The following BTF3L4 variants were observed in gnomAD, a reference collection of about 807,000 sequenced individuals.
BTF3L4 encodes the protein basic transcription factor 3 like 4.
Under a neutral mutation model 16.8 loss-of-function variants are expected in BTF3L4, and 6 were observed. The ratio of observed to expected loss-of-function variants is 0.36; its 90% confidence interval spans 0.20 to 0.71. BTF3L4 has a LOEUF of 0.71. Ranked by LOEUF, BTF3L4 falls within the 30% of genes least tolerant of loss-of-function variation. The pLI, the probability that BTF3L4 is intolerant of heterozygous loss-of-function variation, is 0.58. For synonymous variants in BTF3L4, 39 were observed against 59.8 expected (o/e 0.65, Z 1.60); for missense variants, 92 against 186.9 (o/e 0.49, Z 2.96).
rs996416407 is a variant in BTF3L4 at position 52,075,553 on chromosome 1, TAATA to T, written c.169-7780_169-7777del. 1.6e-4 allele frequency among the ~76,000 whole-genome samples: 23 copies of T among 146,290 alleles called. 1 individual carries two copies. In the South Asian group the frequency reaches 1.7e-3, roughly 11 times the overall value. ...AAAAAAAAAAACCATATATATAAAA[TAATA>T]AATAAAATATATTTTAAAATATATA... On this transcript the variant is annotated intron_variant, in intron 3 of 5. Coordinates refer to ENST00000313334, the MANE Select transcript of BTF3L4 (RefSeq NM_152265.5).
chr1:52,062,522 C>T (rs1686542526), intron 2 of BTF3L4, among the ~76,000 whole-genome samples: 1 of 151,928 alleles, frequency 6.6e-6, no homozygotes, highest in African/African-American at 2.4e-5. Flanking sequence ...CTTTAGTGTA[C>T]GTAATGGATA....
At chr1:52,064,194 A>G (rs1170300969) in intron 2 of BTF3L4, among the ~76,000 whole-genome samples, 2 of 152,170 alleles carry the variant, frequency 1.3e-5, no homozygotes, top group East Asian at 3.8e-4. Context: ...TTCTTGCCCT[A>G]GTTATGGGTC....
intron 3 of BTF3L4, among the ~76,000 whole-genome samples, chr1:52,076,446 G>A (rs1686935739): frequency 2.0e-5 from 3 of 151,778 alleles, no homozygotes; most frequent in South Asian, 4.2e-4. Flanking sequence ...TGGTGGTGGC[G>A]CGTGACTCTA....
At chr1:52,069,665 T>C (rs1686735693) in intron 3 of BTF3L4, among the ~76,000 whole-genome samples, 4 of 152,312 alleles carry the variant, frequency 2.6e-5, no homozygotes, top group South Asian at 4.1e-4. Flanking sequence ...TGTGAAACAA[T>C]ATGATAGTAC....
In BTF3L4 at chr1:52,058,501, G is replaced by A. The variant is rs143679300; in HGVS notation, c.-13-1334G>A. 1.0e-3 allele frequency among the ~76,000 whole-genome samples: 156 copies of A among 152,194 alleles called. 1 individual carries two copies. The highest frequency in any genetic ancestry group is 3.5e-3 in the African/African-American group (146 of 41,516). Reference sequence around the variant, plus strand: ...TGACTATACAGGGTTTAGAGAATTGGCCAAAGAAGATTTGATAACAACCTA... The same window carrying A: ...TGACTATACAGGGTTTAGAGAATTGACCAAAGAAGATTTGATAACAACCTA... On this transcript the variant is annotated intron_variant, in intron 1 of 5. Transcript: ENST00000313334.
intron 3 of BTF3L4, among the ~76,000 whole-genome samples, chr1:52,076,101 C>T (rs1285847654): frequency 2.0e-5 from 3 of 152,124 alleles, no homozygotes; most frequent in South Asian, 2.1e-4. Flanking sequence ...AAAGAGAATT[C>T]CTAGCTGGGC....
chr1:52,074,614 G>A (rs554767177), intron 3 of BTF3L4, among the ~76,000 whole-genome samples: 35 of 148,874 alleles, frequency 2.4e-4, no homozygotes, highest in African/African-American at 6.9e-4. Flanking sequence ...CACCTGCCTC[G>A]GCCTCCCAAA....
chr1:52,086,660 C>G, intron 5 of BTF3L4, 52 bp from the exon 6 acceptor site: 1 of 1,230,174 alleles, frequency 8.1e-7, no homozygotes, highest in Non-Finnish European at 1.2e-6. Context: ...CCATTTACCT[C>G]TTTTTCCTTT....
intron 3 of BTF3L4, among the ~76,000 whole-genome samples, chr1:52,070,011 G>A (rs1297764972): frequency 1.3e-5 from 2 of 152,100 alleles, no homozygotes; most frequent in Non-Finnish European, 2.9e-5. Flanking sequence ...GAGGTCAGGA[G>A]TTCAAGACCA....
rs1643970438 is a variant in BTF3L4, at chr1:52,086,050, A to C, written c.371-62A>C. 5 of 1,162,854 alleles carry C rather than the reference A, an allele frequency of 4.3e-6. No individual in the cohort carries two copies. The South Asian group carries it at 5.9e-5, about 14-fold the overall frequency. 72.0% of individuals were successfully genotyped at this position (1,162,854 alleles called of 1,614,324 possible). ...TTTATACAGGAAAAAAGGGATAAAC[A>C]TTATAAGTTTTCTTTAAGGTCTTTG... On this transcript the variant is annotated intron_variant, in intron 4 of 5. Transcript: ENST00000313334.
intron 3 of BTF3L4, among the ~76,000 whole-genome samples, chr1:52,082,155 C>T (rs992949818): frequency 6.6e-6 from 1 of 152,112 alleles, no homozygotes; most frequent in Non-Finnish European, 1.5e-5. Flanking sequence ...ATTTAACTTA[C>T]ACAAATTCAA....
In BTF3L4 at chr1:52,070,228, A is replaced by G. The variant is rs560152431; in HGVS notation, c.168+5290A>G. 5.0e-3 allele frequency among the ~76,000 whole-genome samples: 708 copies of G among 140,900 alleles called. 5 individuals are homozygous for G. The highest frequency in any genetic ancestry group is 9.0e-3 in the Non-Finnish European group (572 of 63,858). 92.4% of individuals were successfully genotyped at this position (140,900 alleles called of 152,430 possible). ...CAAGACTGTCTAAAAAAAAAAAAAAACTAAAAGACTATTTGGAATAAGACA... is the reference window on the plus strand; with the variant it reads ...CAAGACTGTCTAAAAAAAAAAAAAAGCTAAAAGACTATTTGGAATAAGACA... On this transcript the variant is annotated intron_variant, in intron 3 of 5. Coordinates refer to ENST00000313334, the MANE Select transcript of BTF3L4 (RefSeq NM_152265.5).
chr1:52,078,831 C>G (rs1223010606), intron 3 of BTF3L4, among the ~76,000 whole-genome samples: 2 of 151,938 alleles, frequency 1.3e-5, no homozygotes, highest in African/African-American at 2.4e-5. Context: ...CATCCTTTAC[C>G]TTCAGCTATC....
intron 3 of BTF3L4, among the ~76,000 whole-genome samples, chr1:52,066,601 T>C (rs1017078860): frequency 2.0e-5 from 3 of 148,826 alleles, no homozygotes; most frequent in African/African-American, 4.9e-5. Context: ...CCCAGCACTT[T>C]GGGAGGCCGA....
chr1:52,059,779 A>C, intron 1 of BTF3L4, 56 bp from the exon 2 acceptor site: 1 of 1,514,234 alleles, frequency 6.6e-7, no homozygotes, highest in Non-Finnish European at 9.2e-7. Flanking sequence ...TTGCATAAAC[A>C]GTTTGTTAAT....
chr1:52,081,567 T>C (rs990848861), intron 3 of BTF3L4, among the ~76,000 whole-genome samples: 2 of 152,230 alleles, frequency 1.3e-5, no homozygotes, highest in Non-Finnish European at 2.9e-5. Context: ...ACTGTCATCC[T>C]TCTCGAGCCC....
chr1:52,078,056 G>C (rs1029965538), intron 3 of BTF3L4, among the ~76,000 whole-genome samples: 1 of 151,988 alleles, frequency 6.6e-6, no homozygotes, highest in Non-Finnish European at 1.5e-5. Context: ...GAGTTGGTCT[G>C]ACAATATCCT....
At chr1:52,061,635 C>CTTTTT (rs67186641) in intron 2 of BTF3L4, among the ~76,000 whole-genome samples, 7 of 65,010 alleles carry the variant, frequency 1.1e-4, no homozygotes, top group Admixed American at 3.9e-4. Context: ...TACAGCTATT[C>CTTTTT]TTTTTTTTTT....
intron 3 of BTF3L4, among the ~76,000 whole-genome samples, chr1:52,077,580 G>C (rs1281797901): frequency 6.6e-6 from 1 of 152,094 alleles, no homozygotes; most frequent in Admixed American, 6.6e-5. Flanking sequence ...AGAGACAACT[G>C]CTAATTCTCT....
Sources: gnomAD v4.1 joint callset for allele counts (sites outside exome capture counted in the v4.1 genomes callset) on GRCh38, gnomAD v4.1.1 for gene constraint, MANE v1.5 for transcripts, NCBI Gene and HGNC (gene_info 2026-07-23, HGNC 2026-07-21) for gene names.